Variants in LMO3 observed in about 807,000 individuals in gnomAD.
The protein encoded by LMO3 is LIM domain only 3.
In LMO3, 2 loss-of-function variants were observed where a neutral mutation model predicts 15.8. The observed-to-expected ratio is 0.13, with a 90% CI of 0.05 to 0.40. LMO3 has a LOEUF of 0.40. Among genes scored for constraint, LMO3 ranks in the 10% least tolerant of loss-of-function variants. The probability of loss-of-function intolerance (pLI) is 0.99; values close to 1 mark genes in which losing one functional copy is unlikely to be tolerated. For synonymous variants in LMO3, 62 were observed against 63.8 expected (o/e 0.97, Z 0.13); for missense variants, 86 against 182.2 (o/e 0.47, Z 3.04).
chr12:16,576,746 T>C lies in LMO3; in HGVS notation c.207-16208A>G, dbSNP rs1321385417. 1.3e-5 allele frequency among the ~76,000 whole-genome samples: 2 copies of C among 152,220 alleles called. No individual in the cohort carries two copies. The highest frequency in any genetic ancestry group is 2.9e-5 in the Non-Finnish European group (2 of 68,034). The stretch of plus-strand genomic sequence containing the variant: ...TTAACATTCTTGCATTGTCCAACTA[T>C]ATAGACTGCATACAGGGATTTTACT... On this transcript the variant is annotated intron_variant, in intron 2 of 3. Transcript: ENST00000537304. This position sits in a 1 kb window ranked among gnomAD's most constrained non-coding sequence, Gnocchi z 4.1.
chr12:16,578,171 C>T lies in LMO3; in HGVS notation c.207-17633G>A, dbSNP rs116735687. ...TCTTTAAACTCATAGTTTCATGAAA[C>T]TTAGAAAATGTTAACTAACTACCTA... On this transcript the variant is annotated intron_variant, in intron 2 of 3. Transcript: ENST00000537304. Among the ~76,000 whole-genome samples the T allele has an allele frequency of 4.0e-3, 610 of 152,238 alleles. 2 individuals carry two copies. Among genetic ancestry groups the T allele is most frequent in the African/African-American group, 0.013 (542 of 41,510 alleles).
chr12:16,609,216 A>G (rs966582069), upstream of LMO3: 1 of 152,214 alleles, frequency 6.6e-6, no homozygotes. Flanking sequence ...GATCTGGTGA[A>G]CAAGAGGTGG....
rs12426627 is a variant in LMO3 at position 16,589,272 on chromosome 12, A to G, written c.206+11383T>C. ...GCATCCTAATAGGAATACATAAGTT[A>G]TCTGCCACTGATGATCATTGATGGA... On this transcript the variant is annotated intron_variant, in intron 2 of 3. Coordinates refer to ENST00000537304, the MANE Select transcript of LMO3 (RefSeq NM_018640.5). The surrounding 1 kb of genome is among the most constrained non-coding windows in gnomAD (Gnocchi z 4.2). 1.9e-3 allele frequency among the ~76,000 whole-genome samples: 290 copies of G among 152,246 alleles called. 4 individuals are homozygous for G. Among genetic ancestry groups the G allele is most frequent in the East Asian group, 0.013 (65 of 5,172 alleles).
At chr12:16,554,320 T>G (rs2137269719) in intron 3 of LMO3, among the ~76,000 whole-genome samples, 1 of 152,340 alleles carries the variant, frequency 6.6e-6, no homozygotes, top group South Asian at 2.1e-4. Flanking sequence ...TTCCCTAATG[T>G]TAGTGACTGA....
rs1279479386 is a variant in LMO3 at position 16,576,727 on chromosome 12, T to A, written c.207-16189A>T. Among the ~76,000 whole-genome samples the A allele has an allele frequency of 6.6e-6, 1 of 152,192 alleles. No individual in the cohort carries two copies. Among genetic ancestry groups the A allele is most frequent in the Non-Finnish European group, 1.5e-5 (1 of 68,028 alleles). On this transcript the variant is annotated intron_variant, in intron 2 of 3. Transcript: ENST00000537304. The surrounding 1 kb of genome is among the most constrained non-coding windows in gnomAD (Gnocchi z 4.1). ...AGAGATATATAAATGGAAATTAACA[T>A]TCTTGCATTGTCCAACTATATAGAC...
In LMO3 at chr12:16,582,944, G is replaced by A. The variant is rs1001426248; in HGVS notation, c.206+17711C>T. ...CACCTGTAATCCCAGCTACTCAGGA[G>A]GCTAATGCAGGAAAATCTCTTGAAG... is the stretch of plus-strand genomic sequence containing the variant. On this transcript the variant is annotated intron_variant, in intron 2 of 3. Coordinates refer to ENST00000537304, the MANE Select transcript of LMO3 (RefSeq NM_018640.5). The surrounding 1 kb of genome is among the most constrained non-coding windows in gnomAD (Gnocchi z 4.1). 2.6e-5 allele frequency among the ~76,000 whole-genome samples: 4 copies of A among 151,718 alleles called. No individual in the cohort carries two copies. The highest frequency in any genetic ancestry group is 9.7e-5 in the African/African-American group (4 of 41,252).
chr12:16,578,105 C>A (rs959213782), intron 2 of LMO3, among the ~76,000 whole-genome samples: 1 of 152,068 alleles, frequency 6.6e-6, no homozygotes, highest in African/African-American at 2.4e-5. Flanking sequence ...GGCACCTCAT[C>A]GCCTCCCAGA....
Position 16,555,716 on chromosome 12 carries a change from A to C in LMO3, c.333-4389T>G, listed in dbSNP as rs1942166897. Among the ~76,000 whole-genome samples the C allele has an allele frequency of 6.6e-6, 1 of 152,164 alleles. No individual in the cohort carries two copies. The highest frequency in any genetic ancestry group is 1.5e-5 in the Non-Finnish European group (1 of 68,042). On this transcript the variant is annotated intron_variant, in intron 3 of 3. Transcript: ENST00000537304. This position sits in a 1 kb window ranked among gnomAD's most constrained non-coding sequence, Gnocchi z 5.5. ...CAAACCGCTTCTCTAATCTCTGAAC[A>C]TACTGAGCCGCTTTTCATTTCCTAA...
rs769424514 is a variant in LMO3, at chr12:16,584,990, G to T, written c.206+15665C>A. Among the ~76,000 whole-genome samples, 13 of 152,174 alleles carry T rather than the reference G, an allele frequency of 8.5e-5. No homozygotes were observed. Among genetic ancestry groups the T allele is most frequent in the Non-Finnish European group, 1.5e-4 (10 of 68,010 alleles). ...AAAAGTTACATACTAGTAGCTGTGT[G>T]CCACATTAGAGTTAGTTGCCAATGT... On this transcript the variant is annotated intron_variant, in intron 2 of 3. Transcript: ENST00000537304. This position sits in a 1 kb window ranked among gnomAD's most constrained non-coding sequence, Gnocchi z 5.2.
chr12:16,605,899 G>A, intron 1 of LMO3, 167 bp downstream of exon 1: 1 of 1,411,388 alleles, frequency 7.1e-7, no homozygotes. Context: ...TAGAGCTGCA[G>A]CCCGAGTGAA....
chr12:16,554,912 T>C (rs1313466013), intron 3 of LMO3, among the ~76,000 whole-genome samples: 1 of 152,132 alleles, frequency 6.6e-6, no homozygotes, highest in Non-Finnish European at 1.5e-5. Flanking sequence ...CCCGCCCGCC[T>C]CGGCCTCCCA....
chr12:16,606,197 A>AT (rs370626333), upstream of LMO3: 149 of 207,932 alleles, frequency 7.2e-4, no homozygotes, highest in Middle Eastern at 1.8e-3. Flanking sequence ...GGGAATGTCT[A>AT]TTTTTTTTTA....
At chr12:16,575,140 C>G (rs915091451) in intron 2 of LMO3, among the ~76,000 whole-genome samples, 1 of 152,180 alleles carries the variant, frequency 6.6e-6, no homozygotes, top group Non-Finnish European at 1.5e-5. Flanking sequence ...ATAATCTAAA[C>G]TTAACATTAT....
rs1382132236 is a variant in LMO3 at position 16,591,374 on chromosome 12, C to T, written c.206+9281G>A. 6.6e-6 allele frequency among the ~76,000 whole-genome samples: 1 copy of T among 152,034 alleles called. No individual in the cohort carries two copies. Among genetic ancestry groups the T allele is most frequent in the African/African-American group, 2.4e-5 (1 of 41,422 alleles). On this transcript the variant is annotated intron_variant, in intron 2 of 3. Transcript: ENST00000537304. The surrounding 1 kb of genome is among the most constrained non-coding windows in gnomAD (Gnocchi z 4.1). ...GTCACCGTCTCAGTGAGGCTGTCTG[C>T]ACCCCCTCCACACAAACCAAAATTC...
In LMO3 at chr12:16,555,146, A is replaced by ATACTT. The variant is rs927013916; in HGVS notation, c.333-3824_333-3820dup. ...CAGAACGGTGTTTGGTGTTTGACTA[A>ATACTT]TACTTTATCAGAATTTGCTATCATT... On this transcript the variant is annotated intron_variant, in intron 3 of 3. Transcript: ENST00000537304. The surrounding 1 kb of genome is among the most constrained non-coding windows in gnomAD (Gnocchi z 5.5). Among the ~76,000 whole-genome samples, 19 of 152,238 alleles carry ATACTT rather than the reference A, an allele frequency of 1.2e-4. No individual in the cohort carries two copies. Among genetic ancestry groups the ATACTT allele is most frequent in the Admixed American group, 6.5e-4 (10 of 15,282 alleles).
At chr12:16,601,157 T>G (rs537741931) in intron 1 of LMO3, among the ~76,000 whole-genome samples, 17 of 152,322 alleles carry the variant, frequency 1.1e-4, no homozygotes, top group Non-Finnish European at 2.1e-4. Context: ...TAAATAATTT[T>G]ATAGTATCTT....
chr12:16,599,617 T>C lies in LMO3; in HGVS notation c.206+1038A>G, dbSNP rs1054113956. ...GTCAGACCAGAAAAATGATAAATTG[T>C]ATTAAATATGAAAATCCCAATGATG... On this transcript the variant is annotated intron_variant, in intron 2 of 3. Coordinates refer to ENST00000537304, the MANE Select transcript of LMO3 (RefSeq NM_018640.5). This position sits in a 1 kb window ranked among gnomAD's most constrained non-coding sequence, Gnocchi z 4.1. The C allele has an allele frequency of 2.6e-5, 4 of 152,228 alleles. No individual in the cohort carries two copies. The highest frequency in any genetic ancestry group is 2.1e-4 in the South Asian group (1 of 4,832). 9.4% of individuals were successfully genotyped at this position (152,228 alleles called of 1,614,324 possible).
intron 3 of LMO3, among the ~76,000 whole-genome samples, chr12:16,558,538 G>T (rs1349630261): frequency 6.6e-6 from 1 of 152,026 alleles, no homozygotes; most frequent in Non-Finnish European, 1.5e-5. Context: ...GTTTGTGTTT[G>T]TATATCCTTA....
rs1943369377 is a variant in LMO3 at position 16,587,840 on chromosome 12, C to G, written c.206+12815G>C. Among the ~76,000 whole-genome samples the G allele has an allele frequency of 6.6e-6, 1 of 152,028 alleles. No individual in the cohort carries two copies. Among genetic ancestry groups the G allele is most frequent in the Non-Finnish European group, 1.5e-5 (1 of 67,996 alleles). On this transcript the variant is annotated intron_variant, in intron 2 of 3. Coordinates refer to ENST00000537304, the MANE Select transcript of LMO3 (RefSeq NM_018640.5). The surrounding 1 kb of genome is among the most constrained non-coding windows in gnomAD (Gnocchi z 4.3). ...AGGGGGAGGGAGAGGAACCTTGTCT[C>G]ATATTAATGCTGCCAGTAGCTATGG...
Sources: allele counts gnomAD v4.1 joint callset (sites outside exome capture counted in the v4.1 genomes callset), GRCh38; gene constraint gnomAD v4.1.1; non-coding constraint Gnocchi (gnomAD v3.1); transcripts MANE v1.5; gene names NCBI Gene and HGNC (gene_info 2026-07-23, HGNC 2026-07-21).